The following STX8 variants were observed in gnomAD, a reference collection of about 807,000 sequenced individuals.
STX8 encodes the protein syntaxin 8.
A neutral mutation model predicts 37.5 loss-of-function variants in STX8; 23 were observed. The ratio of observed to expected loss-of-function variants is 0.61; its 90% CI spans 0.44 to 0.87. STX8 has a LOEUF of 0.87. Ranked by LOEUF, STX8 falls within the 40% of genes least tolerant of loss-of-function variation. The probability of loss-of-function intolerance (pLI) is 0.00; values close to 1 mark genes in which losing one functional copy is unlikely to be tolerated. For missense variants in STX8, 313 were observed against 284.7 expected, an observed-to-expected ratio of 1.10 and a Z score of -0.71; for synonymous variants, 115 against 99.1, an observed-to-expected ratio of 1.16 and a Z score of -0.95.
In STX8 at chr17:9,274,732, A is replaced by C; in HGVS notation, c.644-24087T>G. 2.1e-5 allele frequency among the ~76,000 whole-genome samples: 3 copies of C among 140,548 alleles called. 1 individual carries two copies. Among genetic ancestry groups the C allele is most frequent in the East Asian group, 2.1e-4 (1 of 4,758 alleles). The allele number at this position is 140,548 out of a possible 152,430, so 92.2% of individuals were successfully genotyped here. ...ATAATAATAAACAAAGTCTTCAAAAATACAACAATTTCTTTTTTCTTTTTT... is the reference window on the plus strand; with the variant it reads ...ATAATAATAAACAAAGTCTTCAAAACTACAACAATTTCTTTTTTCTTTTTT... On this transcript the variant is annotated intron_variant, in intron 7 of 7. Transcript: ENST00000306357.
chr17:9,322,213 G>A lies in STX8; in HGVS notation c.643+56339C>T, dbSNP rs537092873. Among the ~76,000 whole-genome samples, 122 of 152,308 alleles carry A rather than the reference G, an allele frequency of 8.0e-4. 2 individuals carry two copies. The highest frequency in any genetic ancestry group is 2.8e-3 in the African/African-American group (118 of 41,570). ...GAGGAAGTATAAATGGCGGGTTAGC[G>A]GTCATCTCAGGGAATTTCAACTCTA... On this transcript the variant is annotated intron_variant, in intron 7 of 7. Coordinates refer to ENST00000306357, the MANE Select transcript of STX8 (RefSeq NM_004853.3).
At chr17:9,575,750 C>T (rs760520489) in intron 1 of STX8, 42 bp downstream of exon 1, 2 of 1,545,708 alleles carry the variant, frequency 1.3e-6, no homozygotes, top group Non-Finnish European at 1.7e-6. Context: ...CCGGCCTCCC[C>T]GAAGGTCCCT....
intron 5 of STX8, among the ~76,000 whole-genome samples, chr17:9,493,993 GT>G (rs67562241): frequency 1 from 150,303 of 150,704 alleles, 74,952 homozygotes; most frequent in Middle Eastern, 1. Context: ...CATATGTTTT[GT>G]TTTTTTTTGT....
rs535734676 is a variant in STX8 at position 9,445,830 on chromosome 17, C to CT, written c.541+45998dup. Among the ~76,000 whole-genome samples the CT allele has an allele frequency of 4.5e-3, 654 of 144,090 alleles. 24 individuals are homozygous for CT. The South Asian group carries it at 0.067, about 15-fold the overall frequency. 94.5% of individuals were successfully genotyped at this position (144,090 alleles called of 152,430 possible). On this transcript the variant is annotated intron_variant, in intron 6 of 7. Coordinates refer to ENST00000306357, the MANE Select transcript of STX8 (RefSeq NM_004853.3). ...TTCCTTAAAGAATATACATTTTTTTCTTTTTTTCTCTTTTTTTTTTTTTTT... is the reference window on the plus strand; with the variant it reads ...TTCCTTAAAGAATATACATTTTTTTCTTTTTTTTCTCTTTTTTTTTTTTTTT...
At chr17:9,399,866 A>C (rs1476439813) in intron 6 of STX8, among the ~76,000 whole-genome samples, 1 of 59,880 alleles carries the variant, frequency 1.7e-5, no homozygotes, top group Non-Finnish European at 3.1e-5. Flanking sequence ...ACTCTGTCTC[A>C]AAAAAAAAAA....
In STX8 at chr17:9,319,834, C is replaced by T. The variant is rs570899946; in HGVS notation, c.643+58718G>A. 9.2e-5 allele frequency among the ~76,000 whole-genome samples: 14 copies of T among 151,420 alleles called. 1 individual carries two copies. The highest frequency in any genetic ancestry group is 1.5e-4 in the Non-Finnish European group (10 of 67,928). On this transcript the variant is annotated intron_variant, in intron 7 of 7. Coordinates refer to ENST00000306357, the MANE Select transcript of STX8 (RefSeq NM_004853.3). ...GGCCTGGTGTCACACACTTGTAATCCGAGCTACTCGGGAGGCTGAGACAGG... is the reference window on the plus strand; with the variant it reads ...GGCCTGGTGTCACACACTTGTAATCTGAGCTACTCGGGAGGCTGAGACAGG...
intron 6 of STX8, among the ~76,000 whole-genome samples, chr17:9,414,893 C>T (rs941731916): frequency 3.4e-5 from 5 of 147,680 alleles, no homozygotes; most frequent in African/African-American, 7.5e-5. Flanking sequence ...TGGGTTCAAG[C>T]GATTCTCCTG....
At chr17:9,276,352 T>G (rs1377317380) in intron 7 of STX8, among the ~76,000 whole-genome samples, 1 of 152,092 alleles carries the variant, frequency 6.6e-6, no homozygotes, top group Non-Finnish European at 1.5e-5. Flanking sequence ...TGTGAGTGAT[T>G]CTGTTTCATT....
chr17:9,304,948 C>T (rs2142182919), intron 7 of STX8, among the ~76,000 whole-genome samples: 3 of 150,424 alleles, frequency 2.0e-5, no homozygotes, highest in Middle Eastern at 6.9e-3. Context: ...TATATATATA[C>T]AGTCCCTGAC....
At chr17:9,471,151 CTTTTTTTTTT>C (rs34907512) in intron 6 of STX8, among the ~76,000 whole-genome samples, 1 of 51,278 alleles carries the variant, frequency 2.0e-5, no homozygotes, top group African/African-American at 7.3e-5. Context: ...CCGCACCCTG[CTTTTTTTTTT>C]TTTTTTTTTT....
intron 7 of STX8, among the ~76,000 whole-genome samples, chr17:9,316,199 C>T (rs1411331757): frequency 6.6e-6 from 1 of 151,962 alleles, no homozygotes; most frequent in Non-Finnish European, 1.5e-5. Context: ...AAGTATGATA[C>T]TGTAATTTAT....
At chr17:9,275,681 A>C (rs1038594856) in intron 7 of STX8, among the ~76,000 whole-genome samples, 2 of 152,030 alleles carry the variant, frequency 1.3e-5, no homozygotes, top group Non-Finnish European at 2.9e-5. Flanking sequence ...CAGCCTGACC[A>C]ACATGGAGAA....
At chr17:9,368,480 G>A (rs1050567879) in intron 7 of STX8, among the ~76,000 whole-genome samples, 4 of 152,090 alleles carry the variant, frequency 2.6e-5, no homozygotes, top group Non-Finnish European at 5.9e-5. Context: ...GTGACAGAGC[G>A]AGACTCCATC....
chr17:9,518,289 C>T (rs1024545513), intron 4 of STX8, among the ~76,000 whole-genome samples: 1 of 151,916 alleles, frequency 6.6e-6, no homozygotes, highest in Non-Finnish European at 1.5e-5. Flanking sequence ...ACACTCTTCC[C>T]AGGTCTTACC....
chr17:9,360,230 T>A (rs1911017849), intron 7 of STX8, among the ~76,000 whole-genome samples: 1 of 69,514 alleles, frequency 1.4e-5, no homozygotes, highest in Non-Finnish European at 3.8e-5. Context: ...TAACCGTCTT[T>A]TTTTTTTTTT....
chr17:9,360,716 G>C (rs931410510), intron 7 of STX8, among the ~76,000 whole-genome samples: 2 of 146,924 alleles, frequency 1.4e-5, no homozygotes, highest in Admixed American at 6.8e-5. Context: ...TGAAAGCAAC[G>C]ACCGTTTTAA....
At chr17:9,557,680 G>A in intron 2 of STX8, 152 bp from the exon 3 acceptor site, 1 of 666,942 alleles carries the variant, frequency 1.5e-6, no homozygotes, top group Non-Finnish European at 2.6e-6. Context: ...ACTCAGGGCT[G>A]GAAGGAGGCT....
intron 7 of STX8, among the ~76,000 whole-genome samples, chr17:9,360,792 G>T (rs1301170318): frequency 6.6e-6 from 1 of 152,102 alleles, no homozygotes; most frequent in Non-Finnish European, 1.5e-5. Flanking sequence ...TTTGGAGGCT[G>T]CTCGGTAGAC....
intron 6 of STX8, among the ~76,000 whole-genome samples, chr17:9,387,974 G>A (rs2072042045): frequency 6.6e-6 from 1 of 151,882 alleles, no homozygotes. Flanking sequence ...GTCAACACTT[G>A]TAGGGATTAA....
Sources: allele counts gnomAD v4.1 joint callset (sites outside exome capture counted in the v4.1 genomes callset), GRCh38; gene constraint gnomAD v4.1.1; transcripts MANE v1.5; gene names NCBI Gene and HGNC (gene_info 2026-07-23, HGNC 2026-07-21).